Variants in TP53BP1 observed in about 807,000 individuals in gnomAD.
The protein encoded by TP53BP1 is tumor protein p53 binding protein 1, also known as TP53-binding protein 1.
In TP53BP1, 61 loss-of-function variants were observed where a neutral mutation model predicts 200.8. The observed-to-expected ratio is 0.30, with a 90% CI of 0.25 to 0.38. The LOEUF (loss-of-function observed/expected upper bound fraction) is 0.38, where lower values mean the gene tolerates loss of function less well. Among genes scored for constraint, TP53BP1 ranks in the 10% least tolerant of loss-of-function variants. The pLI is 1.00. For synonymous variants in TP53BP1, 822 were observed against 844.3 expected (o/e 0.97, Z 0.46); for missense variants, 2,144 against 2,371.9 (o/e 0.90, Z 2.00).
At chr15:43,481,129 A>G in intron 4 of TP53BP1, 107 bp from the exon 5 acceptor site, 10 of 1,328,650 alleles carry the variant, frequency 7.5e-6, no homozygotes, top group Non-Finnish European at 9.5e-6. Context: ...CCAAACTTGA[A>G]AAAGTAAAAT....
chr15:43,466,435 T>C (rs2046582401), intron 11 of TP53BP1, among the ~76,000 whole-genome samples: 1 of 152,086 alleles, frequency 6.6e-6, no homozygotes, highest in South Asian at 2.1e-4. Flanking sequence ...AAAAGAAACA[T>C]GAAAAACTAT....
At chr15:43,442,250 T>G (rs1374537683) in intron 14 of TP53BP1, among the ~76,000 whole-genome samples, 1 of 151,888 alleles carries the variant, frequency 6.6e-6, no homozygotes, top group Non-Finnish European at 1.5e-5. Flanking sequence ...CACGCCCGGC[T>G]AATTTTTTTG....
At chr15:43,501,289 ACTCCTGGGCTCAG>A (rs1383973274) in intron 1 of TP53BP1, among the ~76,000 whole-genome samples, 1 of 150,824 alleles carries the variant, frequency 6.6e-6, no homozygotes, top group Non-Finnish European at 1.5e-5. Flanking sequence ...ACAGCCTTGA[ACTCCTGGGCTCAG>A]CTCCTGGGCT....
chr15:43,433,473 C>G (rs1260429390), intron 16 of TP53BP1, among the ~76,000 whole-genome samples: 2 of 152,174 alleles, frequency 1.3e-5, no homozygotes, highest in East Asian at 1.9e-4. Flanking sequence ...TCCAAGTCAA[C>G]AGAAATTTGA....
In TP53BP1 at chr15:43,469,963, C is replaced by T; in HGVS notation, c.1284G>A (p.Leu428=). Reference sequence around the variant, plus strand: ...CTTGTGGTGATACAGTGGACTCAGGCAGGAGAGGGGGGTTTTCTAACTCCA... The same window carrying T: ...CTTGTGGTGATACAGTGGACTCAGGTAGGAGAGGGGGGTTTTCTAACTCCA... ...EPVELENPPL[L]PESTVSPQAS... Residue 428 remains leucine, a synonymous_variant, in exon 11 of 28, where the codon CTG becomes CTA. Coordinates refer to ENST00000382044, the MANE Select transcript of TP53BP1 (RefSeq NM_001141980.3). 1.2e-6 allele frequency: 2 copies of T among 1,614,022 alleles called. No individual in the cohort carries two copies. The highest frequency in any genetic ancestry group is 8.5e-7 in the Non-Finnish European group (1 of 1,180,028).
chr15:43,498,006 G>A (rs547431491), upstream of TP53BP1, among the ~76,000 whole-genome samples: 3 of 152,132 alleles, frequency 2.0e-5, no homozygotes, highest in Non-Finnish European at 4.4e-5. Context: ...AGAATGTATG[G>A]TTAATTGTAT....
chr15:43,435,118 C>T (rs747899221), intron 16 of TP53BP1, among the ~76,000 whole-genome samples: 12 of 151,954 alleles, frequency 7.9e-5, no homozygotes, highest in Non-Finnish European at 1.5e-4. Context: ...AAAAAAATAG[C>T]CATGTGTGGT....
chr15:43,462,931 C>T (rs1189256354), intron 11 of TP53BP1, among the ~76,000 whole-genome samples: 2 of 152,112 alleles, frequency 1.3e-5, no homozygotes, highest in Non-Finnish European at 2.9e-5. Context: ...GTGGTGTGCA[C>T]TTTTTGTCCC....
In TP53BP1 at chr15:43,447,435, A is replaced by G. The variant is rs1017113128; in HGVS notation, c.2767T>C (p.Leu923=). 3 of 1,580,558 alleles carry G rather than the reference A, an allele frequency of 1.9e-6. No individual in the cohort carries two copies. Among genetic ancestry groups the G allele is most frequent in the Admixed American group, 1.8e-5 (1 of 55,048 alleles). ...ATAAGAGGTGGGGTTGCACCAGTCA[A>G]TGGTGGGATGATATCACCTTCTTTA... is the stretch of plus-strand genomic sequence containing the variant. The part of the protein sequence containing the change: ...LPKEGDIIPP[L]TGATPPLIGH... The change falls in exon 13 of 28, where the codon TTG becomes CTG. Residue 923 remains leucine, a synonymous_variant. Transcript: ENST00000382044.
At chr15:43,448,715 A>G (rs183057936) in intron 12 of TP53BP1, among the ~76,000 whole-genome samples, 1 of 151,986 alleles carries the variant, frequency 6.6e-6, no homozygotes, top group East Asian at 1.9e-4. Flanking sequence ...AATTTTTTGT[A>G]TTTTTAGTAG....
intron 4 of TP53BP1, among the ~76,000 whole-genome samples, chr15:43,481,460 T>C (rs151025843): frequency 2.1e-5 from 3 of 143,812 alleles, no homozygotes; most frequent in African/African-American, 2.6e-5. Flanking sequence ...TGTATATAAA[T>C]ACACACACAC....
chr15:43,426,020 G>GCCTA (rs1163518475), intron 18 of TP53BP1, among the ~76,000 whole-genome samples: 29 of 142,848 alleles, frequency 2.0e-4, no homozygotes, highest in African/African-American at 7.6e-4. Context: ...AGCCGAGGTA[G>GCCTA]CGCCACTGCA....
At position 43,405,185 on chromosome 15, in the gene TP53BP1, C is replaced by A. The variant is rs748110725; in HGVS notation, c.*2198G>T. 6.2e-7 allele frequency: 1 copy of A among 1,614,042 alleles called. No individual in the cohort carries two copies. The highest frequency in any genetic ancestry group is 8.5e-7 in the Non-Finnish European group (1 of 1,179,956). On this transcript the variant is annotated 3_prime_UTR_variant, in exon 28 of 28. Transcript: ENST00000382044. ...GGAAAGCATGACACTTAATAAGGCT[C>A]TTTTTCTCTTTTGTAGTTTCGGGAT... is the stretch of plus-strand genomic sequence containing the variant.
chr15:43,497,508 T>C (rs960296421), upstream of TP53BP1: 4 of 961,938 alleles, frequency 4.2e-6, no homozygotes, highest in African/African-American at 3.5e-5. Context: ...CTCAGCTTTC[T>C]TTCCAATTCC....
Position 43,447,449 on chromosome 15 carries a change from T to C in TP53BP1, c.2753A>G (p.Asp918Gly), listed in dbSNP as rs536211918. Residue 918 changes from aspartate (D) to glycine (G), a missense_variant, in exon 13 of 28, where the codon GAT becomes GGT. Transcript: ENST00000382044. ...TGCACCAGTCAATGGTGGGATGATATCACCTTCTTTAGGCAAAGTGAAATG... is the reference window on the plus strand; with the variant it reads ...TGCACCAGTCAATGGTGGGATGATACCACCTTCTTTAGGCAAAGTGAAATG... The part of the protein sequence containing the change: ...PFHFTLPKEG[D>G]IIPPLTGATP... 6.5e-6 allele frequency: 10 copies of C among 1,546,364 alleles called. No homozygotes were observed. In the East Asian group the frequency reaches 9.4e-5, roughly 15 times the overall value.
intron 4 of TP53BP1, among the ~76,000 whole-genome samples, chr15:43,484,756 G>GT (rs397951213): frequency 0.28 from 40,352 of 144,784 alleles, 9,158 homozygotes; most frequent in African/African-American, 0.62. Flanking sequence ...CTTGTTTTTT[G>GT]TTTTTTTTTT....
chr15:43,409,728 A>G lies in TP53BP1; in HGVS notation c.5319T>C (p.Ile1773=). ...CTGTATACTGCTTGTTGAAAGGAGG[A>G]ATTTCCAAAAATTCTATATTAAAAA... ...SSEEEEEFLE[I]PPFNKQYTES... is the part of the protein sequence containing the mutation. Residue 1773 remains isoleucine (I), a synonymous_variant, in exon 25 of 28, where the codon ATT becomes ATC. Coordinates refer to ENST00000382044, the MANE Select transcript of TP53BP1 (RefSeq NM_001141980.3). The G allele has an allele frequency of 6.5e-7, 1 of 1,528,506 alleles. No homozygotes were observed. The highest frequency in any genetic ancestry group is 8.8e-7 in the Non-Finnish European group (1 of 1,133,208). 94.7% of individuals were successfully genotyped at this position (1,528,506 alleles called of 1,614,324 possible). A position where few individuals can be genotyped will look rare whatever the true frequency, so the allele number is the denominator to read the frequency against.
chr15:43,456,616 A>C lies in TP53BP1; in HGVS notation c.1992T>G (p.Ser664=). The C allele has an allele frequency of 1.2e-6, 2 of 1,614,194 alleles. No homozygotes were observed. The highest frequency in any genetic ancestry group is 1.7e-6 in the Non-Finnish European group (2 of 1,180,034). The change falls in exon 12 of 28, where the codon TCT becomes TCG. Residue 664 remains serine (S), a synonymous_variant. Coordinates refer to ENST00000382044, the MANE Select transcript of TP53BP1 (RefSeq NM_001141980.3). ...EIKEHHPEEG[S]SGSEVEEIPE... ...GGATTTCTTCCACCTCAGACCCTGA[A>C]GACCCCTCCTCTGGATGGTGTTCTT...
Position 43,477,777 on chromosome 15 carries a change from C to T in TP53BP1, c.789-18G>A. ...CCTCTGACCTAGGAAATTCATATCA[C>T]CAGGAGAAAAAGTTCCTAAGTTCAA... On this transcript the variant is annotated intron_variant, in intron 7 of 27. Transcript: ENST00000382044. 6.7e-7 allele frequency: 1 copy of T among 1,499,470 alleles called. No homozygotes were observed. The highest frequency in any genetic ancestry group is 2.4e-5 in the East Asian group (1 of 41,686). 92.9% of individuals were successfully genotyped at this position (1,499,470 alleles called of 1,614,324 possible).
Sources: allele counts gnomAD v4.1 joint callset (sites outside exome capture counted in the v4.1 genomes callset), GRCh38; gene constraint gnomAD v4.1.1; transcripts MANE v1.5; gene names NCBI Gene and HGNC (gene_info 2026-07-23, HGNC 2026-07-21).